The following DYNC1I1 variants were observed in gnomAD, a reference collection of about 807,000 sequenced individuals.
DYNC1I1 encodes the protein cytoplasmic dynein 1 intermediate chain 1.
A neutral mutation model predicts 86.6 loss-of-function variants in DYNC1I1; 43 were observed. That is an observed-to-expected ratio of 0.50 (90% confidence interval 0.39 to 0.64). The LOEUF (loss-of-function observed/expected upper bound fraction) is 0.64, where lower values mean the gene tolerates loss of function less well. Among genes scored for constraint, DYNC1I1 ranks in the 30% least tolerant of loss-of-function variants. The probability of loss-of-function intolerance (pLI) is 0.00; values close to 1 mark genes in which losing one functional copy is unlikely to be tolerated. For missense variants in DYNC1I1, 604 were observed against 788.8 expected (o/e 0.77, Z 2.81); for synonymous variants, 262 against 283.7 (o/e 0.92, Z 0.77).
chr7:95,797,330 T>C (rs1308863778), intron 1 of DYNC1I1, among the ~76,000 whole-genome samples: 5 of 152,196 alleles, frequency 3.3e-5, no homozygotes. Flanking sequence ...AGTTTGTCAC[T>C]TCAAGAACAC....
chr7:95,879,832 A>G (rs1170089377), intron 6 of DYNC1I1, among the ~76,000 whole-genome samples: 1 of 152,064 alleles, frequency 6.6e-6, no homozygotes, highest in Non-Finnish European at 1.5e-5. Context: ...TTCTCCTCCT[A>G]ATAGAGAGAG....
chr7:95,837,039 G>A (rs1403082978), intron 5 of DYNC1I1, among the ~76,000 whole-genome samples: 2 of 151,884 alleles, frequency 1.3e-5, no homozygotes, highest in African/African-American at 4.8e-5. Context: ...AGGAGGAGAG[G>A]CGCTCTGCTT....
At chr7:95,821,074 C>T (rs1258049641) in intron 4 of DYNC1I1, among the ~76,000 whole-genome samples, 1 of 152,166 alleles carries the variant, frequency 6.6e-6, no homozygotes, top group East Asian at 1.9e-4. Context: ...AACGTAAAAA[C>T]TGTTTCTTTT....
At chr7:95,960,282 T>A (rs977664323) in intron 6 of DYNC1I1, among the ~76,000 whole-genome samples, 1 of 151,864 alleles carries the variant, frequency 6.6e-6, no homozygotes, top group African/African-American at 2.4e-5. Context: ...AATTTTTGTA[T>A]TTTTAGTAGA....
intron 16 of DYNC1I1, among the ~76,000 whole-genome samples, chr7:96,108,426 T>A (rs1791253308): frequency 6.6e-6 from 1 of 152,206 alleles, no homozygotes; most frequent in South Asian, 2.1e-4. Context: ...ATTTTGATAC[T>A]GTGGCAATGC....
At chr7:95,778,399 T>G (rs1264175367) in intron 1 of DYNC1I1, among the ~76,000 whole-genome samples, 1 of 152,196 alleles carries the variant, frequency 6.6e-6, no homozygotes, top group African/African-American at 2.4e-5. Flanking sequence ...AGTTTGAAGA[T>G]TGCACATTTA....
chr7:95,989,664 C>T (rs533645341), intron 9 of DYNC1I1, among the ~76,000 whole-genome samples: 6 of 152,238 alleles, frequency 3.9e-5, no homozygotes, highest in South Asian at 2.1e-4. Flanking sequence ...CACAGGGTCT[C>T]GCATGATGTT....
rs140148462 is a variant in DYNC1I1 at position 96,003,139 on chromosome 7, G to A, written c.969+7066G>A. Among the ~76,000 whole-genome samples, 653 of 152,248 alleles carry A rather than the reference G, an allele frequency of 4.3e-3. 7 individuals carry two copies. Among genetic ancestry groups the A allele is most frequent in the African/African-American group, 0.015 (611 of 41,556 alleles). ...ATTACAGGCGTGAGCCATTGTACCCGGCTGAACTCAGCATTTTAATAACCC... is the reference window on the plus strand; with the variant it reads ...ATTACAGGCGTGAGCCATTGTACCCAGCTGAACTCAGCATTTTAATAACCC... On this transcript the variant is annotated intron_variant, in intron 10 of 16. Coordinates refer to ENST00000447467, the MANE Select transcript of DYNC1I1 (RefSeq NM_001135556.2).
intron 6 of DYNC1I1, among the ~76,000 whole-genome samples, chr7:95,908,564 C>T (rs1791237128): frequency 6.6e-6 from 1 of 152,078 alleles, no homozygotes; most frequent in Non-Finnish European, 1.5e-5. Context: ...CTCTGATTTC[C>T]TGAGCATTTT....
chr7:96,026,287 A>G (rs76128404), intron 10 of DYNC1I1, among the ~76,000 whole-genome samples: 6,350 of 152,252 alleles, frequency 0.042, 145 homozygotes, highest in South Asian at 0.067. Flanking sequence ...ATTCTCCCTC[A>G]GAGTATCTGA....
intron 6 of DYNC1I1, among the ~76,000 whole-genome samples, chr7:95,899,772 T>A (rs75742562): frequency 0.05 from 7,627 of 152,182 alleles, 212 homozygotes; most frequent in African/African-American, 0.065. Flanking sequence ...GGAAGAAAAA[T>A]TACATCACTA....
intron 16 of DYNC1I1, among the ~76,000 whole-genome samples, chr7:96,080,835 G>T (rs1320078994): frequency 6.6e-6 from 1 of 152,102 alleles, no homozygotes; most frequent in Non-Finnish European, 1.5e-5. Flanking sequence ...ATTTTGGGAG[G>T]CCGTGGCAGG....
intron 5 of DYNC1I1, among the ~76,000 whole-genome samples, chr7:95,849,719 A>G (rs1166994995): frequency 6.6e-6 from 1 of 152,100 alleles, no homozygotes; most frequent in African/African-American, 2.4e-5. Context: ...GTGGTTTCAT[A>G]TGAATTTTAG....
At chr7:96,024,595 T>G (rs975664353) in intron 10 of DYNC1I1, among the ~76,000 whole-genome samples, 1 of 152,162 alleles carries the variant, frequency 6.6e-6, no homozygotes, top group Non-Finnish European at 1.5e-5. Context: ...AGTCTCCATT[T>G]AATAATGCTT....
At chr7:96,106,492 G>A (rs1282016197) in intron 16 of DYNC1I1, among the ~76,000 whole-genome samples, 2 of 151,902 alleles carry the variant, frequency 1.3e-5, no homozygotes, top group African/African-American at 2.4e-5. Context: ...CCAAGATCGC[G>A]CCATTGCACT....
chr7:95,794,658 C>T (rs1349501782), intron 1 of DYNC1I1, among the ~76,000 whole-genome samples: 3 of 151,238 alleles, frequency 2.0e-5, no homozygotes, highest in Non-Finnish European at 2.9e-5. Context: ...GCTCGAGAGC[C>T]TCTCCTGTTT....
intron 16 of DYNC1I1, among the ~76,000 whole-genome samples, chr7:96,085,215 A>G (rs572289308): frequency 7.2e-5 from 11 of 152,274 alleles, no homozygotes; most frequent in South Asian, 4.1e-4. Context: ...ATTATGTACA[A>G]TTATCCTCTA....
At chr7:96,059,363 A>T (rs1789693757) in intron 14 of DYNC1I1, among the ~76,000 whole-genome samples, 2 of 152,182 alleles carry the variant, frequency 1.3e-5, no homozygotes, top group African/African-American at 4.8e-5. Flanking sequence ...CAAAAAAAAG[A>T]TATTTGTTTA....
At chr7:95,875,726 C>T (rs1211874359) in intron 6 of DYNC1I1, among the ~76,000 whole-genome samples, 1 of 152,152 alleles carries the variant, frequency 6.6e-6, no homozygotes. Context: ...GGCATGATGT[C>T]CTTTGTCCAC....
Sources: allele counts gnomAD v4.1 joint callset (sites outside exome capture counted in the v4.1 genomes callset), GRCh38; gene constraint gnomAD v4.1.1; transcripts MANE v1.5; gene names NCBI Gene and HGNC (gene_info 2026-07-23, HGNC 2026-07-21).